ERICH1: variants seen among roughly 807,000 people sequenced by gnomAD.
ERICH1 encodes glutamate-rich protein 1.
Under a neutral mutation model 39.6 loss-of-function variants are expected in ERICH1, and 56 were observed. The observed-to-expected ratio is 1.41, with a 90% CI of 1.14 to 1.77. The LOEUF (loss-of-function observed/expected upper bound fraction) is 1.77. Among genes scored for constraint, ERICH1 ranks in the 40% most tolerant of loss-of-function variants. The probability of loss-of-function intolerance (pLI) is 0.00; values close to 1 mark genes in which losing one functional copy is unlikely to be tolerated. For synonymous variants in ERICH1, 313 were observed against 223.6 expected (o/e 1.40, Z -3.57); for missense variants, 826 against 575.4 (o/e 1.44, Z -4.45).
intron 3 of ERICH1, among the ~76,000 whole-genome samples, chr8:687,750 C>G (rs1176052061): frequency 6.6e-6 from 1 of 152,080 alleles, no homozygotes; most frequent in African/African-American, 2.4e-5. Context: ...GGGGAGCGCG[C>G]CAGGCCCGCG....
chr8:664,016 C>T (rs546513383), downstream of ERICH1, among the ~76,000 whole-genome samples: 119 of 152,330 alleles, frequency 7.8e-4, no homozygotes, highest in Middle Eastern at 3.4e-3. Flanking sequence ...GCCTCGGTCT[C>T]CCAAAGTGCC....
chr8:705,851 G>A lies in ERICH1; in HGVS notation c.169+10010C>T, dbSNP rs940750354. Among the ~76,000 whole-genome samples, 11 of 152,320 alleles carry A rather than the reference G, an allele frequency of 7.2e-5. No individual in the cohort carries two copies. The East Asian group carries it at 1.7e-3, about 24-fold the overall frequency. On this transcript the variant is annotated intron_variant, in intron 2 of 5. Transcript: ENST00000262109. ...ACACTGGTGAAAGGCTGGCCGCATG[G>A]GGGACGGTGGAGCCTTAAGATAATG...
At chr8:678,592 G>A (rs1402005471) in intron 3 of ERICH1, among the ~76,000 whole-genome samples, 2 of 152,142 alleles carry the variant, frequency 1.3e-5, no homozygotes, top group African/African-American at 2.4e-5. Context: ...GGCGGATCAC[G>A]AGGTCAGGAG....
intron 3 of ERICH1, among the ~76,000 whole-genome samples, chr8:659,042 G>A (rs970328592): frequency 9.3e-6 from 1 of 107,986 alleles, no homozygotes; most frequent in Non-Finnish European, 2.0e-5. Flanking sequence ...GATCTCCGGT[G>A]TGCACTGAGC....
chr8:625,177 T>C (rs1261221813), intron 3 of ERICH1, among the ~76,000 whole-genome samples: 7 of 152,052 alleles, frequency 4.6e-5, no homozygotes, highest in Non-Finnish European at 8.8e-5. Flanking sequence ...GGGACACGAA[T>C]CCGAACCATA....
intron 1 of ERICH1, among the ~76,000 whole-genome samples, chr8:720,063 C>A (rs759952357): frequency 2.0e-5 from 3 of 152,220 alleles, no homozygotes; most frequent in Non-Finnish European, 4.4e-5. Flanking sequence ...CGGCCCTAGA[C>A]GTGCACCTTG....
chr8:617,989 G>A (rs1703894), intron 3 of ERICH1, among the ~76,000 whole-genome samples: 105,016 of 139,348 alleles, frequency 0.75, 39,639 homozygotes, highest in East Asian at 0.96. Context: ...TATCCTCACT[G>A]CCCTCTAAGT....
chr8:627,061 G>A lies in ERICH1; in HGVS notation c.977-11777C>T, dbSNP rs576201748. On this transcript the variant is annotated intron_variant, in intron 3 of 3. Coordinates refer to the ERICH1 transcript ENST00000522706. Reference sequence around the variant, plus strand: ...TGTCTCCTCGGAGGGCCAGGCTTCCGTGCTCTGGGCTCCAGCAGGACGGGG... The same window carrying A: ...TGTCTCCTCGGAGGGCCAGGCTTCCATGCTCTGGGCTCCAGCAGGACGGGG... 409 of 452,306 alleles carry A rather than the reference G, an allele frequency of 9.0e-4. 2 individuals carry two copies. Among genetic ancestry groups the A allele is most frequent in the Non-Finnish European group, 1.6e-3 (359 of 223,980 alleles). 28.0% of individuals were successfully genotyped at this position (452,306 alleles called of 1,614,324 possible).
intron 3 of ERICH1, among the ~76,000 whole-genome samples, chr8:652,923 T>A (rs1011181718): frequency 3.3e-5 from 5 of 152,184 alleles, no homozygotes; most frequent in African/African-American, 1.2e-4. Flanking sequence ...TCAGGATGAT[T>A]ATCATATATT....
intron 2 of ERICH1, among the ~76,000 whole-genome samples, chr8:710,924 C>T (rs1051293154): frequency 1.3e-5 from 2 of 152,190 alleles, no homozygotes; most frequent in African/African-American, 4.8e-5. Flanking sequence ...AGAGTATGTT[C>T]AGTTGTGTAA....
intron 2 of ERICH1, among the ~76,000 whole-genome samples, chr8:709,091 G>C (rs1184937984): frequency 6.6e-6 from 1 of 152,144 alleles, no homozygotes; most frequent in Non-Finnish European, 1.5e-5. Flanking sequence ...GCAGTAAATT[G>C]TATACTTTGA....
At chr8:700,076 C>T (rs1229263784) in intron 2 of ERICH1, among the ~76,000 whole-genome samples, 1 of 134,410 alleles carries the variant, frequency 7.4e-6, no homozygotes, top group Non-Finnish European at 1.6e-5. Context: ...CTCACAGGCG[C>T]ACAGACCCGC....
chr8:627,263 T>G (rs1797643024), intron 3 of ERICH1: 3 of 455,806 alleles, frequency 6.6e-6, no homozygotes, highest in South Asian at 4.6e-5. Context: ...TAAGAACACT[T>G]ACCTTACAGG....
chr8:692,688 G>A (rs1203704167), intron 2 of ERICH1, 76 bp from the exon 3 acceptor site: 17 of 1,421,890 alleles, frequency 1.2e-5, no homozygotes, highest in African/African-American at 5.8e-5. Flanking sequence ...TGATTACATC[G>A]GCATTGTTTC....
chr8:650,217 C>T (rs571188561), intron 3 of ERICH1, among the ~76,000 whole-genome samples: 1 of 152,340 alleles, frequency 6.6e-6, no homozygotes, highest in Admixed American at 6.5e-5. Context: ...CCGTTCCGTG[C>T]TGGCGATGAG....
intron 3 of ERICH1, among the ~76,000 whole-genome samples, chr8:638,244 A>C (rs1798602195): frequency 6.6e-6 from 1 of 152,246 alleles, no homozygotes; most frequent in African/African-American, 2.4e-5. Flanking sequence ...AGAGCCTCCC[A>C]GTGTCCTAAG....
intron 3 of ERICH1, among the ~76,000 whole-genome samples, chr8:634,168 C>CAAAAAAAA (rs56687918): frequency 1.6e-4 from 15 of 91,968 alleles, no homozygotes; most frequent in South Asian, 3.4e-4. Flanking sequence ...TCCTAAAACT[C>CAAAAAAAA]AAAAAAAAAA....
chr8:719,935 G>A (rs778305874), intron 1 of ERICH1, among the ~76,000 whole-genome samples: 13 of 144,164 alleles, frequency 9.0e-5, no homozygotes, highest in Admixed American at 3.4e-4. Flanking sequence ...CAGCCCACCC[G>A]GCCCTCCCAT....
At chr8:704,502 A>C (rs1812824146) in intron 2 of ERICH1, among the ~76,000 whole-genome samples, 1 of 152,208 alleles carries the variant, frequency 6.6e-6, no homozygotes. Context: ...TATTAACTCT[A>C]CTAAAGCTCT....
Sources: gnomAD v4.1 joint callset for allele counts (sites outside exome capture counted in the v4.1 genomes callset) on GRCh38, gnomAD v4.1.1 for gene constraint, MANE v1.5 for transcripts, NCBI Gene and HGNC (gene_info 2026-07-23, HGNC 2026-07-21) for gene names.